GRIN1: variants seen among roughly 807,000 people sequenced by gnomAD.
GRIN1 encodes glutamate ionotropic receptor NMDA type subunit 1.
Under a neutral mutation model 103.0 loss-of-function variants are expected in GRIN1, and 38 were observed. That is an observed-to-expected ratio of 0.37 (90% CI 0.28 to 0.48). GRIN1 has a LOEUF of 0.48. Among genes scored for constraint, GRIN1 ranks in the 20% least tolerant of loss-of-function variants. GRIN1 has a pLI of 0.98. For missense variants in GRIN1, 577 were observed against 1,288.9 expected (o/e 0.45, Z 8.46); for synonymous variants, 544 against 532.7 (o/e 1.02, Z -0.29).
intron 6 of GRIN1, among the ~76,000 whole-genome samples, chr9:137,157,349 C>A (rs573968886): frequency 2.0e-5 from 3 of 152,306 alleles, no homozygotes; most frequent in East Asian, 1.9e-4. Context: ...CCTCTCCCCC[C>A]ACACCCCCAG....
Position 137,168,741 on chromosome 9 carries a change from A to C in GRIN1, c.*1214A>C. The stretch of plus-strand genomic sequence containing the variant: ...CCCGGTGTATGCAGTGGTGATGCCT[A>C]AAGGAATGTCACGCAGTTTTCGGTC... On this transcript the variant is annotated 3_prime_UTR_variant, in exon 20 of 20. Coordinates refer to ENST00000371561, the MANE Select transcript of GRIN1 (RefSeq NM_007327.4). 1 of 780,740 alleles carries C rather than the reference A, an allele frequency of 1.3e-6. No individual in the cohort carries two copies. The allele number at this position is 780,740 out of a possible 1,614,324, so 48.4% of individuals were successfully genotyped here. A position where few individuals can be genotyped will look rare whatever the true frequency, so the allele number is the denominator to read the frequency against.
Position 137,163,841 on chromosome 9 carries a change from T to C in GRIN1, c.2526T>C (p.Asp842=). The part of the protein sequence containing the change: ...FIEIAYKRHK[D]ARRKQMQLAF... Reference sequence around the variant, plus strand: ...AGATTGCCTACAAGCGGCACAAGGATGCTCGCCGGAAGCAGATGCAGCTGG... The same window carrying C: ...AGATTGCCTACAAGCGGCACAAGGACGCTCGCCGGAAGCAGATGCAGCTGG... The change falls in exon 18 of 20, where the codon GAT becomes GAC. Residue 842 remains aspartate (D), a synonymous_variant. Coordinates refer to ENST00000371561, the MANE Select transcript of GRIN1 (RefSeq NM_007327.4). 1 of 1,613,190 alleles carries C rather than the reference T, an allele frequency of 6.2e-7. No individual in the cohort carries two copies. The highest frequency in any genetic ancestry group is 8.5e-7 in the Non-Finnish European group (1 of 1,179,970).
intron 4 of GRIN1, among the ~76,000 whole-genome samples, chr9:137,152,421 C>G (rs545104669): frequency 1.3e-5 from 2 of 152,332 alleles, no homozygotes; most frequent in South Asian, 2.1e-4. Context: ...CTGTTGGCCA[C>G]TTTTGCAATA....
In GRIN1 at chr9:137,165,218, T is replaced by G. The variant is rs1481263842; in HGVS notation, c.2622T>G (p.Pro874=). The part of the protein sequence containing the change: ...DRKSGRAEPD[P]KKKATFRAIT... ...AGAGTGGTAGAGCAGAGCCTGACCC[T>G]AAAAAGAAAGCCACATTTAGGGCTA... Residue 874 remains proline, a synonymous_variant, in exon 19 of 20, where the codon CCT becomes CCG. Transcript: ENST00000371561. 6.2e-7 allele frequency: 1 copy of G among 1,612,148 alleles called. No individual in the cohort carries two copies. The highest frequency in any genetic ancestry group is 1.3e-5 in the African/African-American group (1 of 74,970).
rs1405592274 is a variant in GRIN1, at chr9:137,163,849, G to A, written c.2534G>A (p.Arg845Gln). Residue 845 changes from arginine (R) to glutamine (Q), a missense_variant, in exon 18 of 20, where the codon CGG (arginine) becomes CAG (glutamine). Arg to Gln is a conservative substitution (Grantham distance 43, BLOSUM62 1). Transcript: ENST00000371561. ...TACAAGCGGCACAAGGATGCTCGCC[G>A]GAAGCAGATGCAGCTGGCCTTTGCC... The part of the protein sequence containing the change: ...IAYKRHKDAR[R>Q]KQMQLAFAAV... The A allele has an allele frequency of 6.2e-7, 1 of 1,613,086 alleles. No homozygotes were observed. Among genetic ancestry groups the A allele is most frequent in the Non-Finnish European group, 8.5e-7 (1 of 1,179,980 alleles).
intron 18 of GRIN1, chr9:137,164,229 C>T: frequency 4.6e-6 from 2 of 431,410 alleles, no homozygotes; most frequent in South Asian, 4.1e-5. Context: ...AGACAGGGGC[C>T]CGCCTGTGTA....
At position 137,161,160 on chromosome 9, in the gene GRIN1, G is replaced by T. The variant is rs1471139175; in HGVS notation, c.1302G>T (p.Val434=). 10 of 1,612,354 alleles carry T rather than the reference G, an allele frequency of 6.2e-6. No individual in the cohort carries two copies. The highest frequency in any genetic ancestry group is 8.5e-6 in the Non-Finnish European group (10 of 1,179,780). The change falls in exon 9 of 20, where the codon GTG becomes GTT. Residue 434 remains valine, a synonymous_variant. Coordinates refer to ENST00000371561, the MANE Select transcript of GRIN1 (RefSeq NM_007327.4). ...FTVNGDPVKK[V]ICTGPNDTSP... ...TCAACGGCGACCCAGTCAAGAAGGT[G>T]ATCTGCACCGGGCCCAACGACACGT...
intron 1 of GRIN1, among the ~76,000 whole-genome samples, chr9:137,141,528 G>C (rs1335617874): frequency 6.6e-6 from 1 of 152,202 alleles, no homozygotes; most frequent in Non-Finnish European, 1.5e-5. Flanking sequence ...AAGGGATCTC[G>C]GCCTCTTTGG....
Position 137,139,434 on chromosome 9 carries a change from C to A in GRIN1, c.-53C>A, listed in dbSNP as rs1199418317. On this transcript the variant is annotated 5_prime_UTR_variant, in exon 1 of 20. Coordinates refer to ENST00000371561, the MANE Select transcript of GRIN1 (RefSeq NM_007327.4). The surrounding 1 kb of genome is among the most constrained non-coding windows in gnomAD (Gnocchi z 7.7). ...CGGCCCGGAAGCCCCGCGGGGGATG[C>A]GCCGAGGGCCCCGCGTTCGCGCCGC... The A allele has an allele frequency of 1.0e-5, 14 of 1,344,560 alleles. No individual in the cohort carries two copies. In the Admixed American group the frequency reaches 3.7e-4, roughly 36 times the overall value. 83.3% of individuals were successfully genotyped at this position (1,344,560 alleles called of 1,614,324 possible).
chr9:137,158,422 G>A lies in GRIN1; in HGVS notation c.1012G>A (p.Val338Met), dbSNP rs140672142. The A allele has an allele frequency of 3.7e-5, 59 of 1,613,456 alleles. No individual in the cohort carries two copies. The African/African-American group carries it at 3.7e-4, about 10-fold the overall frequency. ...GTATGCGGATGGGGTGACTGGTCGC[G>A]TGGAGTTCAATGAGGATGGGGACCG... ...SKYADGVTGR[V>M]EFNEDGDRKF... Residue 338 changes from valine to methionine, a missense_variant, in exon 7 of 20, where the codon GTG becomes ATG. Val to Met is a conservative substitution (Grantham distance 21). Coordinates refer to ENST00000371561, the MANE Select transcript of GRIN1 (RefSeq NM_007327.4).
rs553086804 is a variant in GRIN1, at chr9:137,165,078, G to A, written c.2590-108G>A. ...CCAGCACAGGGAGGCAGGCAGGAGC[G>A]AGGGCCCAAGTGGCCGGCCAGGCTG... On this transcript the variant is annotated intron_variant, in intron 18 of 19. Transcript: ENST00000371561. The A allele has an allele frequency of 8.4e-5, 70 of 828,460 alleles. 1 individual carries two copies. The South Asian group carries it at 8.8e-4, about 10-fold the overall frequency. The allele number at this position is 828,460 out of a possible 1,614,324, so 51.3% of individuals were successfully genotyped here.
chr9:137,162,794 G>T (rs1008547379), intron 14 of GRIN1, 52 bp from the exon 15 acceptor site: 1 of 1,605,048 alleles, frequency 6.2e-7, no homozygotes, highest in Non-Finnish European at 8.5e-7. Flanking sequence ...GGTCGGCCTC[G>T]GTTAGGGGCC....
At position 137,161,914 on chromosome 9, in the gene GRIN1, C is replaced by T. The variant is rs1226232806; in HGVS notation, c.1468-10C>T. On this transcript the variant is annotated splice_polypyrimidine_tract_variant and intron_variant, in intron 10 of 19. Coordinates refer to ENST00000371561, the MANE Select transcript of GRIN1 (RefSeq NM_007327.4). Reference sequence around the variant, plus strand: ...CTGCCTGCATGCCCGCCGGCTCTGTCGCCTCGCAGGTGAACAACAGCAACA... The same window carrying T: ...CTGCCTGCATGCCCGCCGGCTCTGTTGCCTCGCAGGTGAACAACAGCAACA... The T allele has an allele frequency of 1.9e-6, 3 of 1,553,314 alleles. No homozygotes were observed. Among genetic ancestry groups the T allele is most frequent in the Admixed American group, 1.9e-5 (1 of 51,576 alleles).
At chr9:137,160,158 A>G (rs554196671) in intron 8 of GRIN1, among the ~76,000 whole-genome samples, 1 of 152,294 alleles carries the variant, frequency 6.6e-6, no homozygotes, top group East Asian at 1.9e-4. Context: ...GCACGTACAC[A>G]CGGGCAAGAG....
chr9:137,164,179 C>T (rs1157762595), intron 18 of GRIN1: 3 of 514,552 alleles, frequency 5.8e-6, no homozygotes, highest in East Asian at 3.5e-5. Context: ...CAGAGTCGCC[C>T]GCCGGTACCC....
chr9:137,163,543 T>G lies in GRIN1; in HGVS notation c.2334-16T>G. The G allele has an allele frequency of 6.4e-7, 1 of 1,569,880 alleles. No individual in the cohort carries two copies. The highest frequency in any genetic ancestry group is 1.1e-5 in the South Asian group (1 of 90,230). ...GGGCCCCGCCTCACTGCAGGCTCACTTGTTCCCACCGCCAGGTCCCACGAG... is the reference window on the plus strand; with the variant it reads ...GGGCCCCGCCTCACTGCAGGCTCACGTGTTCCCACCGCCAGGTCCCACGAG... On this transcript the variant is annotated splice_polypyrimidine_tract_variant and intron_variant, in intron 16 of 19. Transcript: ENST00000371561.
In GRIN1 at chr9:137,156,921, C is replaced by A; in HGVS notation, c.852C>A (p.Ala284=). ...ACGAGTCGGCCCACATCAGCGACGC[C>A]GTGGGCGTGGTGGCCCAGGCCGTGC... ...GKNESAHISD[A]VGVVAQAVHE... Residue 284 remains alanine, a synonymous_variant, in exon 6 of 20, where the codon GCC becomes GCA. Coordinates refer to ENST00000371561, the MANE Select transcript of GRIN1 (RefSeq NM_007327.4). 1 of 1,612,186 alleles carries A rather than the reference C, an allele frequency of 6.2e-7. No homozygotes were observed. The highest frequency in any genetic ancestry group is 8.5e-7 in the Non-Finnish European group (1 of 1,179,770).
intron 4 of GRIN1, among the ~76,000 whole-genome samples, chr9:137,150,607 AT>A (rs1158398377): frequency 7.1e-6 from 1 of 141,808 alleles, no homozygotes; most frequent in African/African-American, 2.7e-5. Flanking sequence ...CTCCGCCCAG[AT>A]AAAAGCCCGC....
At chr9:137,143,559 C>T (rs1019624454) in intron 2 of GRIN1, among the ~76,000 whole-genome samples, 7 of 152,226 alleles carry the variant, frequency 4.6e-5, no homozygotes, top group Non-Finnish European at 8.8e-5. Context: ...TGGCCCAGAG[C>T]AGGCCAAAGG....
Sources: allele counts gnomAD v4.1 joint callset (sites outside exome capture counted in the v4.1 genomes callset), GRCh38; gene constraint gnomAD v4.1.1; non-coding constraint Gnocchi (gnomAD v3.1); transcripts MANE v1.5; gene names NCBI Gene and HGNC (gene_info 2026-07-23, HGNC 2026-07-21).